The following MCTP2 variants were observed in gnomAD, a reference collection of about 807,000 sequenced individuals.
The protein encoded by MCTP2 is multiple C2 and transmembrane domain containing 2, also known as multiple C2 and transmembrane domain-containing protein 2.
Under a neutral mutation model 111.6 loss-of-function variants are expected in MCTP2, and 132 were observed. That is an observed-to-expected ratio of 1.18 (90% CI 1.03 to 1.37). MCTP2 has a LOEUF of 1.37. Among genes scored for constraint, MCTP2 ranks in the 40% most tolerant of loss-of-function variants. The pLI, the probability that MCTP2 is intolerant of heterozygous loss-of-function variation, is 0.00. For missense variants in MCTP2, 1,183 were observed against 1,067.9 expected (o/e 1.11, Z -1.50); for synonymous variants, 395 against 387.7 (o/e 1.02, Z -0.22).
intron 4 of MCTP2, among the ~76,000 whole-genome samples, chr15:94,333,096 C>A (rs947558798): frequency 6.6e-6 from 1 of 152,062 alleles, no homozygotes; most frequent in Admixed American, 6.5e-5. Flanking sequence ...TTAGCCGGGC[C>A]TGGTGGCGGG....
At chr15:94,254,592 TC>T (rs2072648119) in intron 1 of MCTP2, among the ~76,000 whole-genome samples, 1 of 152,214 alleles carries the variant, frequency 6.6e-6, no homozygotes, top group Non-Finnish European at 1.5e-5. Context: ...TTTGGAAATA[TC>T]ACAAATGTGG....
At position 94,390,104 on chromosome 15, in the gene MCTP2, A is replaced by G. The variant is rs1376865511; in HGVS notation, c.1788+4579A>G. 3.5e-4 allele frequency among the ~76,000 whole-genome samples: 14 copies of G among 40,104 alleles called. 1 individual carries two copies. Among genetic ancestry groups the G allele is most frequent in the African/African-American group, 5.2e-4 (9 of 17,212 alleles). The allele number at this position is 40,104 out of a possible 152,430, so 26.3% of individuals were successfully genotyped here. A position where few individuals can be genotyped will look rare whatever the true frequency, so the allele number is the denominator to read the frequency against. On this transcript the variant is annotated intron_variant, in intron 14 of 22. Transcript: ENST00000357742. Reference sequence around the variant, plus strand: ...TATATATATATGTATATATATATATATATATATATGTATATATATATATAT... The same window carrying G: ...TATATATATATGTATATATATATATGTATATATATGTATATATATATATAT...
chr15:94,236,262 G>GTTTGTTCA (rs2070534687), intron 1 of MCTP2, among the ~76,000 whole-genome samples: 1 of 147,180 alleles, frequency 6.8e-6, no homozygotes. Context: ...GTGATGCTGT[G>GTTTGTTCA]TTTGTTCATT....
Position 94,242,952 on chromosome 15 carries a change from CAT to C in MCTP2, c.-66+11292_-66+11293del, listed in dbSNP as rs1302374924. Among the ~76,000 whole-genome samples the C allele has an allele frequency of 7.5e-4, 100 of 132,966 alleles. 1 individual carries two copies. The highest frequency in any genetic ancestry group is 4.2e-3 in the Middle Eastern group (1 of 236). The allele number at this position is 132,966 out of a possible 152,430, so 87.2% of individuals were successfully genotyped here. ...ATATACACGTGTATATGTAGATACA[CAT>C]ATACACGTGTATATGTGTATCTACA... On this transcript the variant is annotated intron_variant, in intron 1 of 22. Transcript: ENST00000357742.
intron 17 of MCTP2, among the ~76,000 whole-genome samples, chr15:94,409,464 A>T (rs1392327054): frequency 6.6e-6 from 1 of 152,106 alleles, no homozygotes; most frequent in Admixed American, 6.5e-5. Context: ...ATATATATAT[A>T]TTCCTATTCC....
At position 94,392,838 on chromosome 15, in the gene MCTP2, C is replaced by CA. The variant is rs1004062019; in HGVS notation, c.1789-6114dup. On this transcript the variant is annotated intron_variant, in intron 14 of 22. Transcript: ENST00000357742. ...CTCAAAAAACAAACAAACAAACAAA[C>CA]AAAAAAAAACAAAAAACTTGGAGAA... Among the ~76,000 whole-genome samples, 70 of 148,658 alleles carry CA rather than the reference C, an allele frequency of 4.7e-4. No individual in the cohort carries two copies. The East Asian group carries it at 6.9e-3, about 15-fold the overall frequency.
At chr15:94,432,412 TGACTATAAAACA>T (rs1336524381) in intron 17 of MCTP2, among the ~76,000 whole-genome samples, 4 of 152,106 alleles carry the variant, frequency 2.6e-5, no homozygotes, top group Non-Finnish European at 5.9e-5. Context: ...TCATCTTAGG[TGACTATAAAACA>T]GAAGAGCAAT....
chr15:94,394,121 CA>C (rs1413149836), intron 14 of MCTP2, among the ~76,000 whole-genome samples: 2 of 149,560 alleles, frequency 1.3e-5, no homozygotes, highest in Non-Finnish European at 3.0e-5. Flanking sequence ...ATGATTTATT[CA>C]ATTATGATCA....
At chr15:94,405,969 T>C (rs2081876898) in intron 17 of MCTP2, among the ~76,000 whole-genome samples, 1 of 152,236 alleles carries the variant, frequency 6.6e-6, no homozygotes, top group Admixed American at 6.5e-5. Context: ...ACTTAGTGAA[T>C]GAGGCCAAAT....
chr15:94,263,119 A>G (rs2073295093), intron 1 of MCTP2, among the ~76,000 whole-genome samples: 1 of 152,224 alleles, frequency 6.6e-6, no homozygotes, highest in African/African-American at 2.4e-5. Context: ...ATGACTTTAT[A>G]GTAGAAAATA....
At chr15:94,368,150 C>G (rs2079297486) in intron 11 of MCTP2, among the ~76,000 whole-genome samples, 1 of 152,178 alleles carries the variant, frequency 6.6e-6, no homozygotes, top group Non-Finnish European at 1.5e-5. Context: ...CTTTACCAGC[C>G]ATTAATGGTT....
intron 1 of MCTP2, among the ~76,000 whole-genome samples, chr15:94,236,632 GTTCA>G (rs1387160811): frequency 1.3e-5 from 2 of 151,890 alleles, no homozygotes; most frequent in Non-Finnish European, 2.9e-5. Context: ...CTATGCATGC[GTTCA>G]TTCATTCATG....
At chr15:94,354,216 C>T (rs2078477703) in intron 8 of MCTP2, among the ~76,000 whole-genome samples, 1 of 152,096 alleles carries the variant, frequency 6.6e-6, no homozygotes. Flanking sequence ...TCTGTTCTGT[C>T]TCAGCACCTG....
intron 8 of MCTP2, 125 bp downstream of exon 8, chr15:94,345,289 G>A (rs751903241): frequency 3.2e-5 from 30 of 951,284 alleles, no homozygotes; most frequent in Non-Finnish European, 4.1e-5. Flanking sequence ...TCCTCTTACT[G>A]CTGTTACGAA....
At chr15:94,367,188 TC>T (rs2079229358) in intron 10 of MCTP2, among the ~76,000 whole-genome samples, 2 of 152,222 alleles carry the variant, frequency 1.3e-5, no homozygotes, top group East Asian at 1.9e-4. Flanking sequence ...TCTTTTTTTT[TC>T]CTTCATGTTT....
intron 2 of MCTP2, among the ~76,000 whole-genome samples, chr15:94,310,436 G>A (rs2152353792): frequency 6.6e-6 from 1 of 152,190 alleles, no homozygotes; most frequent in Admixed American, 6.5e-5. Flanking sequence ...TTAAAACTAT[G>A]GCAGTGTACA....
intron 2 of MCTP2, among the ~76,000 whole-genome samples, chr15:94,302,299 G>A (rs1419799852): frequency 6.6e-6 from 1 of 152,118 alleles, no homozygotes; most frequent in Middle Eastern, 3.2e-3. Flanking sequence ...TGTGGCAGTG[G>A]GACAGGACCC....
At chr15:94,256,956 G>A (rs1298504040) in intron 1 of MCTP2, among the ~76,000 whole-genome samples, 1 of 152,046 alleles carries the variant, frequency 6.6e-6, no homozygotes, top group Non-Finnish European at 1.5e-5. Flanking sequence ...TCAATCCTCT[G>A]ACCAACCTTC....
intron 1 of MCTP2, among the ~76,000 whole-genome samples, chr15:94,251,132 G>A (rs1439810954): frequency 6.6e-6 from 1 of 152,170 alleles, no homozygotes; most frequent in Non-Finnish European, 1.5e-5. Flanking sequence ...GGCGAGTCAG[G>A]CTGCATTCCT....
Sources: gnomAD v4.1 joint callset for allele counts (sites outside exome capture counted in the v4.1 genomes callset) on GRCh38, gnomAD v4.1.1 for gene constraint, MANE v1.5 for transcripts, NCBI Gene and HGNC (gene_info 2026-07-23, HGNC 2026-07-21) for gene names.